Variants in PIGN observed in about 807,000 individuals in gnomAD.
The protein encoded by PIGN is phosphatidylinositol glycan anchor biosynthesis class N, also known as GPI ethanolamine phosphate transferase 1.
In PIGN, 117 loss-of-function variants were observed where a neutral mutation model predicts 125.4. The observed-to-expected ratio is 0.93, with a 90% CI of 0.80 to 1.09. The LOEUF (loss-of-function observed/expected upper bound fraction) is 1.09. Ranked by LOEUF, PIGN falls within the 50% of genes least tolerant of loss-of-function variation. The pLI, the probability that PIGN is intolerant of heterozygous loss-of-function variation, is 0.00. For missense variants in PIGN, 1,075 were observed against 1,094.9 expected (o/e 0.98, Z 0.26); for synonymous variants, 392 against 377.8 (o/e 1.04, Z -0.44).
At chr18:62,173,876 TA>T (rs2037423887) in intron 1 of PIGN, among the ~76,000 whole-genome samples, 1 of 152,084 alleles carries the variant, frequency 6.6e-6, no homozygotes, top group African/African-American at 2.4e-5. Context: ...GAGCAACAAA[TA>T]GGTGGCAAAA....
chr18:62,036,952 C>T (rs1006112231), downstream of PIGN, among the ~76,000 whole-genome samples: 4 of 152,198 alleles, frequency 2.6e-5, no homozygotes, highest in South Asian at 2.1e-4. Context: ...AATTACAACA[C>T]AAGCTCTTCA....
At chr18:62,155,554 G>T (rs964067669) in intron 6 of PIGN, among the ~76,000 whole-genome samples, 1 of 151,814 alleles carries the variant, frequency 6.6e-6, no homozygotes, top group Non-Finnish European at 1.5e-5. Flanking sequence ...GGGCAACAAG[G>T]GCAAAACTCC....
chr18:62,104,539 G>T (rs2034565875), intron 20 of PIGN, among the ~76,000 whole-genome samples: 1 of 152,114 alleles, frequency 6.6e-6, no homozygotes, highest in African/African-American at 2.4e-5. Context: ...ATAAAGTATG[G>T]CTTAGATAGT....
At chr18:62,077,412 AC>A (rs1272552267) in intron 28 of PIGN, among the ~76,000 whole-genome samples, 1 of 151,936 alleles carries the variant, frequency 6.6e-6, no homozygotes, top group Admixed American at 6.6e-5. Context: ...CCTTTAAAAA[AC>A]CTTTACATAC....
In PIGN at chr18:62,175,940, T is replaced by C. The variant is rs2037510387; in HGVS notation, c.-236+10904A>G. Among the ~76,000 whole-genome samples, 3 of 136,942 alleles carry C rather than the reference T, an allele frequency of 2.2e-5. No homozygotes were observed. The South Asian group carries it at 7.6e-4, about 35-fold the overall frequency. The allele number at this position is 136,942 out of a possible 152,430, so 89.8% of individuals were successfully genotyped here. A position where few individuals can be genotyped will look rare whatever the true frequency, so the allele number is the denominator to read the frequency against. Reference sequence around the variant, plus strand: ...AAGCTTCTAAAATTCCCCCTAGGTATCTTAGGAACCATCATTAGCTAATTA... The same window carrying C: ...AAGCTTCTAAAATTCCCCCTAGGTACCTTAGGAACCATCATTAGCTAATTA... On this transcript the variant is annotated intron_variant, in intron 1 of 30. Transcript: ENST00000640252.
intron 1 of PIGN, among the ~76,000 whole-genome samples, chr18:62,165,599 G>C (rs2037105938): frequency 6.6e-6 from 1 of 152,148 alleles, no homozygotes; most frequent in Non-Finnish European, 1.5e-5. Context: ...GCCATAATAA[G>C]GCAGACAGTT....
intron 14 of PIGN, among the ~76,000 whole-genome samples, chr18:62,134,958 C>A (rs966278839): frequency 9.9e-5 from 15 of 152,152 alleles, no homozygotes; most frequent in Non-Finnish European, 1.9e-4. Context: ...TCCTTAATTT[C>A]CTCCAGCTTC....
chr18:62,182,393 T>A (rs1251081478), intron 1 of PIGN, among the ~76,000 whole-genome samples: 2 of 152,190 alleles, frequency 1.3e-5, no homozygotes, highest in Non-Finnish European at 1.5e-5. Context: ...ACCTACTAAA[T>A]CCTTAGTGTT....
chr18:62,184,092 A>T (rs2037812655), intron 1 of PIGN, among the ~76,000 whole-genome samples: 1 of 152,222 alleles, frequency 6.6e-6, no homozygotes, highest in Non-Finnish European at 1.5e-5. Flanking sequence ...ATGTACCAAT[A>T]CAAGTTATCT....
intron 14 of PIGN, among the ~76,000 whole-genome samples, chr18:62,129,423 T>G (rs763731891): frequency 6.6e-6 from 1 of 152,204 alleles, no homozygotes; most frequent in African/African-American, 2.4e-5. Context: ...AGCTGAAGAC[T>G]TCTTGCGTCT....
intron 30 of PIGN, among the ~76,000 whole-genome samples, chr18:62,055,045 CA>C (rs1395278900): frequency 6.6e-6 from 1 of 152,136 alleles, no homozygotes; most frequent in African/African-American, 2.4e-5. Flanking sequence ...TTGACAGCAC[CA>C]AATGCTGGCA....
intron 14 of PIGN, chr18:62,135,922 T>C (rs943405171): frequency 4.6e-5 from 7 of 152,208 alleles, no homozygotes; most frequent in Admixed American, 4.6e-4. Flanking sequence ...ATTTTCTTCA[T>C]AAAAGGAATT....
At chr18:62,155,369 C>G (rs371350706) in intron 6 of PIGN, among the ~76,000 whole-genome samples, 1 of 151,916 alleles carries the variant, frequency 6.6e-6, no homozygotes, top group Admixed American at 6.6e-5. Flanking sequence ...GAGATCGAGA[C>G]CCCCCTGGCC....
intron 8 of PIGN, 114 bp from the exon 9 acceptor site, chr18:62,147,215 T>C (rs1254226472): frequency 2.3e-6 from 3 of 1,279,502 alleles, no homozygotes; most frequent in South Asian, 1.7e-5. Flanking sequence ...TTAGATTTCA[T>C]CTTTAATATT....
intron 23 of PIGN, among the ~76,000 whole-genome samples, chr18:62,022,234 TG>T (rs1267936250): frequency 3.3e-5 from 5 of 152,132 alleles, no homozygotes; most frequent in African/African-American, 1.2e-4. Context: ...GCAAAAATAT[TG>T]GGGGCCATCT....
chr18:62,136,746 C>T (rs934202199), intron 14 of PIGN: 4 of 229,328 alleles, frequency 1.7e-5, no homozygotes, highest in Non-Finnish European at 3.4e-5. Context: ...ATAGATAAAA[C>T]AATTTCTATT....
chr18:62,114,005 C>T (rs1464012353), intron 15 of PIGN, among the ~76,000 whole-genome samples: 1 of 152,074 alleles, frequency 6.6e-6, no homozygotes, highest in South Asian at 2.1e-4. Context: ...AGAAGGGTGA[C>T]ACAAACTTGG....
At position 62,147,086 on chromosome 18, in the gene PIGN, A is replaced by G; in HGVS notation, c.690T>C (p.Asn230=). 4.4e-6 allele frequency: 7 copies of G among 1,603,630 alleles called. No homozygotes were observed. Among genetic ancestry groups the G allele is most frequent in the Non-Finnish European group, 6.0e-6 (7 of 1,171,672 alleles). ...HRPSSRDYKH[N]IKKVDDGVKE... is the part of the protein sequence containing the mutation. Reference sequence around the variant, plus strand: ...TAACTCCATCATCAACTTTTTTAATATTGTGCTTGTAGTCTCTATTTGTAA... The same window carrying G: ...TAACTCCATCATCAACTTTTTTAATGTTGTGCTTGTAGTCTCTATTTGTAA... The change falls in exon 9 of 31, where the codon AAT becomes AAC. Residue 230 remains asparagine, a synonymous_variant. Coordinates refer to ENST00000640252, the MANE Select transcript of PIGN (RefSeq NM_176787.5).
intron 14 of PIGN, among the ~76,000 whole-genome samples, chr18:62,129,089 T>C (rs1262676433): frequency 6.6e-6 from 1 of 152,040 alleles, no homozygotes; most frequent in Non-Finnish European, 1.5e-5. Context: ...CTTCTCTCCC[T>C]CCCTCAGTGG....
Sources: gnomAD v4.1 joint callset for allele counts (sites outside exome capture counted in the v4.1 genomes callset) on GRCh38, gnomAD v4.1.1 for gene constraint, MANE v1.5 for transcripts, NCBI Gene and HGNC (gene_info 2026-07-23, HGNC 2026-07-21) for gene names.